The following CPQ variants were observed in gnomAD, a reference collection of about 807,000 sequenced individuals.
CPQ encodes the protein Ser-Met dipeptidase.
Under a neutral mutation model 45.7 loss-of-function variants are expected in CPQ, and 37 were observed. That is an observed-to-expected ratio of 0.81 (90% CI 0.62 to 1.07). CPQ has a LOEUF of 1.07. Ranked by LOEUF, CPQ falls within the 50% of genes least tolerant of loss-of-function variation. The pLI is 0.00. For missense variants in CPQ, 537 were observed against 572.9 expected (o/e 0.94, Z 0.64); for synonymous variants, 186 against 205.8 (o/e 0.90, Z 0.82).
intron 1 of CPQ, among the ~76,000 whole-genome samples, chr8:96,733,432 G>A (rs1809940056): frequency 6.6e-6 from 1 of 152,130 alleles, no homozygotes; most frequent in Non-Finnish European, 1.5e-5. Context: ...GTATTATGGT[G>A]CTGATTTTTC....
chr8:97,109,846 T>C (rs1760617459), intron 7 of CPQ, among the ~76,000 whole-genome samples: 1 of 152,030 alleles, frequency 6.6e-6, no homozygotes, highest in South Asian at 2.1e-4. Context: ...CATCCCCAGC[T>C]CCCTACCTTC....
intron 7 of CPQ, among the ~76,000 whole-genome samples, chr8:97,137,867 C>T (rs1198855360): frequency 6.6e-6 from 1 of 150,684 alleles, no homozygotes; most frequent in Non-Finnish European, 1.5e-5. Flanking sequence ...CCAGCCTGGG[C>T]GAAGAGCAAG....
rs1190666797 is a variant in CPQ, at chr8:96,670,479, A to C, written c.-35+25077A>C. Among the ~76,000 whole-genome samples the C allele has an allele frequency of 2.0e-5, 3 of 152,202 alleles. No individual in the cohort carries two copies. The East Asian group carries it at 5.8e-4, about 29-fold the overall frequency. On this transcript the variant is annotated intron_variant, in intron 1 of 7. Transcript: ENST00000220763. ...GGATAGATGGTGTCATGCAAAGATC[A>C]ATCAAAGGAAAGCAGATATATTAAT...
chr8:96,937,971 T>A (rs1159118536), intron 4 of CPQ, among the ~76,000 whole-genome samples: 1 of 152,178 alleles, frequency 6.6e-6, no homozygotes, highest in Non-Finnish European at 1.5e-5. Context: ...TTGTTAAAAA[T>A]TATTATTTTT....
At chr8:96,694,068 A>T (rs1056007829) in intron 1 of CPQ, among the ~76,000 whole-genome samples, 2 of 152,132 alleles carry the variant, frequency 1.3e-5, no homozygotes, top group Admixed American at 1.3e-4. Context: ...ATAAGATGGT[A>T]TTTGCAAGCC....
intron 1 of CPQ, among the ~76,000 whole-genome samples, chr8:96,746,995 T>A (rs769855647): frequency 6.6e-6 from 1 of 152,102 alleles, no homozygotes; most frequent in Non-Finnish European, 1.5e-5. Flanking sequence ...TTTGGTGTAT[T>A]TAAAATTTGT....
chr8:97,074,740 C>T (rs1406398051), intron 7 of CPQ, among the ~76,000 whole-genome samples: 2 of 152,126 alleles, frequency 1.3e-5, no homozygotes, highest in African/African-American at 4.8e-5. Flanking sequence ...CACTGCACTA[C>T]AGCCTGGGTG....
In CPQ at chr8:96,965,980, G is replaced by A; in HGVS notation, c.895G>A (p.Gly299Ser). 6.2e-7 allele frequency: 1 copy of A among 1,614,008 alleles called. No individual in the cohort carries two copies. The highest frequency in any genetic ancestry group is 8.5e-7 in the Non-Finnish European group (1 of 1,179,948). Residue 299 changes from glycine to serine, a missense_variant, in exon 5 of 8, where the codon GGT becomes AGT. By Grantham distance (56) the Gly-to-Ser change is moderately conservative. Transcript: ENST00000220763. ...TCTGGACAGCTGGGATGTTGGGCAG[G>A]GTGCCATGGATGATGGCGGTGGAGC... is the stretch of plus-strand genomic sequence containing the variant. ...GHLDSWDVGQ[G>S]AMDDGGGAFI...
intron 7 of CPQ, among the ~76,000 whole-genome samples, chr8:97,101,346 T>TG (rs1811300349): frequency 6.6e-6 from 1 of 151,802 alleles, no homozygotes; most frequent in Non-Finnish European, 1.5e-5. Flanking sequence ...ACAAATTGGG[T>TG]GGTATGTTCT....
intron 3 of CPQ, among the ~76,000 whole-genome samples, chr8:96,858,502 A>T (rs1319313435): frequency 6.6e-6 from 1 of 152,196 alleles, no homozygotes; most frequent in Non-Finnish European, 1.5e-5. Context: ...TTACTAATGC[A>T]AAATTATATT....
intron 1 of CPQ, among the ~76,000 whole-genome samples, chr8:96,651,185 A>G (rs894929966): frequency 3.9e-5 from 6 of 152,222 alleles, no homozygotes; most frequent in Non-Finnish European, 8.8e-5. Flanking sequence ...AGCACCTAAC[A>G]GGTATGCCAT....
At chr8:96,729,152 G>C (rs1010437534) in intron 1 of CPQ, among the ~76,000 whole-genome samples, 5 of 152,182 alleles carry the variant, frequency 3.3e-5, no homozygotes, top group Non-Finnish European at 7.3e-5. Flanking sequence ...TCTCGCAAGA[G>C]AAGTCTTATA....
intron 7 of CPQ, among the ~76,000 whole-genome samples, chr8:97,114,932 A>G (rs1811558378): frequency 6.6e-6 from 1 of 152,160 alleles, no homozygotes; most frequent in African/African-American, 2.4e-5. Context: ...GGGCAGTTTA[A>G]TGAATACAGC....
chr8:97,075,189 T>C (rs1810822164), intron 7 of CPQ, among the ~76,000 whole-genome samples: 1 of 152,202 alleles, frequency 6.6e-6, no homozygotes, highest in Non-Finnish European at 1.5e-5. Flanking sequence ...AATGACATTA[T>C]GATGTTGCTC....
intron 5 of CPQ, among the ~76,000 whole-genome samples, chr8:97,017,443 A>G (rs973110723): frequency 6.6e-6 from 1 of 152,188 alleles, no homozygotes; most frequent in African/African-American, 2.4e-5. Context: ...TCCAGTGTGC[A>G]GACTCCACAG....
chr8:96,874,466 C>CT (rs1229799878), intron 3 of CPQ, among the ~76,000 whole-genome samples: 2 of 151,944 alleles, frequency 1.3e-5, no homozygotes, highest in East Asian at 3.9e-4. Flanking sequence ...ATATTCCACT[C>CT]TCCCCTGCCA....
intron 4 of CPQ, among the ~76,000 whole-genome samples, chr8:96,949,595 C>T (rs1431261479): frequency 6.6e-6 from 1 of 152,114 alleles, no homozygotes; most frequent in East Asian, 1.9e-4. Flanking sequence ...ACATCTTTGT[C>T]AACTTTTCCC....
At chr8:96,969,683 G>A (rs928524523) in intron 5 of CPQ, among the ~76,000 whole-genome samples, 1 of 152,032 alleles carries the variant, frequency 6.6e-6, no homozygotes, top group Non-Finnish European at 1.5e-5. Context: ...AGCAGTCTTG[G>A]GATTATAGGG....
At chr8:97,032,513 C>T (rs563370497) in intron 6 of CPQ, among the ~76,000 whole-genome samples, 2 of 152,222 alleles carry the variant, frequency 1.3e-5, no homozygotes, top group Non-Finnish European at 2.9e-5. Context: ...CAGCTCTATA[C>T]TGTAGGCTGG....
Sources: gnomAD v4.1 joint callset for allele counts (sites outside exome capture counted in the v4.1 genomes callset) on GRCh38, gnomAD v4.1.1 for gene constraint, MANE v1.5 for transcripts, NCBI Gene and HGNC (gene_info 2026-07-23, HGNC 2026-07-21) for gene names.